RALYL: variants seen among roughly 807,000 people sequenced by gnomAD.
The protein encoded by RALYL is RNA-binding Raly-like protein.
RALYL carries 29 observed loss-of-function variants against 35.1 expected under a neutral mutation model. The ratio of observed to expected loss-of-function variants is 0.83; its 90% CI spans 0.61 to 1.13. The LOEUF is 1.13. Among genes scored for constraint, RALYL ranks in the 50% most tolerant of loss-of-function variants. The pLI is 0.00. For synonymous variants in RALYL, 120 were observed against 127.6 expected (o/e 0.94, Z 0.40); for missense variants, 359 against 360.4 (o/e 1.00, Z 0.03).
At chr8:84,733,243 G>A (rs543483921) in intron 2 of RALYL, among the ~76,000 whole-genome samples, 32 of 152,192 alleles carry the variant, frequency 2.1e-4, no homozygotes, top group South Asian at 4.1e-4. Flanking sequence ...TAGGCCCTTC[G>A]TTATACTCAG....
chr8:84,411,925 C>T (rs1186987973), intron 1 of RALYL, among the ~76,000 whole-genome samples: 2 of 151,860 alleles, frequency 1.3e-5, no homozygotes, highest in Admixed American at 1.3e-4. Context: ...TTAAACTTGC[C>T]TCTGTATCCT....
At chr8:84,822,785 C>T (rs541349757) in intron 4 of RALYL, among the ~76,000 whole-genome samples, 16 of 152,268 alleles carry the variant, frequency 1.1e-4, no homozygotes, top group African/African-American at 3.1e-4. Context: ...AATTGCCTAA[C>T]AGTACCCGCC....
rs141090417 is a variant in RALYL, at chr8:84,602,609, G to A, written c.256+73032G>A. 1.7e-3 allele frequency among the ~76,000 whole-genome samples: 264 copies of A among 152,162 alleles called. 1 individual carries two copies. The highest frequency in any genetic ancestry group is 6.0e-3 in the African/African-American group (249 of 41,554). ...AGAGTTTTAAAGATTTAGTGCAAAC[G>A]TTTAGCATGGCATTTCCTGACCTTG... On this transcript the variant is annotated intron_variant, in intron 2 of 8. Coordinates refer to ENST00000521268, the MANE Select transcript of RALYL (RefSeq NM_173848.7).
At chr8:84,271,750 A>G (rs1170293343) in intron 1 of RALYL, among the ~76,000 whole-genome samples, 3 of 152,152 alleles carry the variant, frequency 2.0e-5, no homozygotes, top group Admixed American at 6.5e-5. Context: ...AAGACTACAT[A>G]GTACACTATT....
At chr8:84,620,056 C>A (rs1454051210) in intron 2 of RALYL, among the ~76,000 whole-genome samples, 1 of 152,026 alleles carries the variant, frequency 6.6e-6, no homozygotes, top group Admixed American at 6.5e-5. Flanking sequence ...TTTGGTGAAT[C>A]TGACAATTAT....
chr8:84,302,171 T>C (rs1320900278), intron 1 of RALYL, among the ~76,000 whole-genome samples: 1 of 152,162 alleles, frequency 6.6e-6, no homozygotes, highest in Non-Finnish European at 1.5e-5. Context: ...TTTTCCTCAA[T>C]GTAGGGATTA....
intron 1 of RALYL, among the ~76,000 whole-genome samples, chr8:84,515,533 C>T (rs1002968484): frequency 6.6e-6 from 1 of 152,072 alleles, no homozygotes; most frequent in Non-Finnish European, 1.5e-5. Context: ...TTTTACATAT[C>T]TCTGAATCTC....
At chr8:84,824,879 T>C (rs916638542) in intron 4 of RALYL, among the ~76,000 whole-genome samples, 2 of 152,138 alleles carry the variant, frequency 1.3e-5, no homozygotes, top group African/African-American at 4.8e-5. Flanking sequence ...GGATTAAATA[T>C]TTAAATATAA....
chr8:84,250,466 A>G (rs960376893), intron 1 of RALYL, among the ~76,000 whole-genome samples: 5 of 151,952 alleles, frequency 3.3e-5, no homozygotes, highest in Non-Finnish European at 5.9e-5. Flanking sequence ...CCTGGGTTCA[A>G]GCGATTCTTC....
At chr8:84,832,390 G>C (rs1007309669) in intron 4 of RALYL, among the ~76,000 whole-genome samples, 2 of 152,078 alleles carry the variant, frequency 1.3e-5, no homozygotes, top group Non-Finnish European at 2.9e-5. Context: ...GATTAGGTCT[G>C]AGTTCTTTTC....
chr8:84,846,075 C>T (rs1447414891), intron 4 of RALYL, among the ~76,000 whole-genome samples: 1 of 152,060 alleles, frequency 6.6e-6, no homozygotes, highest in African/African-American at 2.4e-5. Flanking sequence ...AATGTGATGC[C>T]TCTTGCTTTG....
intron 4 of RALYL, among the ~76,000 whole-genome samples, chr8:84,841,176 T>C (rs1292852184): frequency 6.6e-6 from 1 of 152,110 alleles, no homozygotes; most frequent in African/African-American, 2.4e-5. Flanking sequence ...GACTGGCAAA[T>C]TGGATAAAGA....
At chr8:84,411,343 G>T (rs935158626) in intron 1 of RALYL, among the ~76,000 whole-genome samples, 5 of 151,686 alleles carry the variant, frequency 3.3e-5, no homozygotes, top group Non-Finnish European at 7.4e-5. Flanking sequence ...TTATTTCCTT[G>T]TTTTCATTTT....
At chr8:84,740,442 A>C (rs1360628417) in intron 2 of RALYL, among the ~76,000 whole-genome samples, 1 of 152,060 alleles carries the variant, frequency 6.6e-6, no homozygotes, top group African/African-American at 2.4e-5. Flanking sequence ...TATTCTAAAA[A>C]GAAAGTAATT....
At chr8:84,333,741 C>A (rs369200337) in intron 1 of RALYL, among the ~76,000 whole-genome samples, 1 of 152,036 alleles carries the variant, frequency 6.6e-6, no homozygotes, top group South Asian at 2.1e-4. Flanking sequence ...ACTGTAATCC[C>A]AGTTTTTGGA....
At chr8:84,272,449 G>A (rs1020285992) in intron 1 of RALYL, among the ~76,000 whole-genome samples, 2 of 152,146 alleles carry the variant, frequency 1.3e-5, no homozygotes, top group African/African-American at 4.8e-5. Flanking sequence ...CATCCATCTG[G>A]AGAGAAAACT....
chr8:84,227,056 C>CTTTTTTTTTTTTT (rs1158995864), intron 1 of RALYL, among the ~76,000 whole-genome samples: 1 of 81,890 alleles, frequency 1.2e-5, no homozygotes, highest in Non-Finnish European at 2.2e-5. Context: ...AATTGTATTT[C>CTTTTTTTTTTTTT]TTTTTTTTTT....
chr8:84,586,388 G>A (rs1056249659), intron 2 of RALYL, among the ~76,000 whole-genome samples: 2 of 152,132 alleles, frequency 1.3e-5, no homozygotes, highest in Admixed American at 1.3e-4. Flanking sequence ...TTTATCCAAA[G>A]ACATAGAGCA....
chr8:84,610,529 A>T (rs1818077894), intron 2 of RALYL, among the ~76,000 whole-genome samples: 1 of 152,118 alleles, frequency 6.6e-6, no homozygotes, highest in African/African-American at 2.4e-5. Flanking sequence ...AGTGTTTGTC[A>T]GATTTTTCCA....
Sources: allele counts gnomAD v4.1 joint callset (sites outside exome capture counted in the v4.1 genomes callset), GRCh38; gene constraint gnomAD v4.1.1; transcripts MANE v1.5; gene names NCBI Gene and HGNC (gene_info 2026-07-23, HGNC 2026-07-21).